WDR27: variants seen among roughly 807,000 people sequenced by gnomAD.
WDR27 encodes the protein WD repeat domain 27, also known as WD repeat-containing protein 27.
In WDR27, 100 loss-of-function variants were observed where a neutral mutation model predicts 114.4. That is an observed-to-expected ratio of 0.87 (90% CI 0.74 to 1.03). The LOEUF (loss-of-function observed/expected upper bound fraction) is 1.03, where lower values mean the gene tolerates loss of function less well. WDR27 is among the 50% of genes least tolerant of loss of function. The pLI is 0.00. For missense variants in WDR27, 1,129 were observed against 1,092.9 expected, an observed-to-expected ratio of 1.03 and a Z score of -0.47; for synonymous variants, 449 against 423.1, an observed-to-expected ratio of 1.06 and a Z score of -0.75.
chr6:169,649,075 CAT>C (rs1821555288), intron 15 of WDR27, 121 bp downstream of exon 15: 2 of 743,086 alleles, frequency 2.7e-6, no homozygotes, highest in South Asian at 1.7e-5. Flanking sequence ...TATCTGTGTA[CAT>C]ATGTGTGTAA....
chr6:169,589,609 T>C (rs1805311829), intron 23 of WDR27, among the ~76,000 whole-genome samples: 1 of 152,174 alleles, frequency 6.6e-6, no homozygotes, highest in African/African-American at 2.4e-5. Flanking sequence ...TTGGGGTACA[T>C]GAATTTTCTG....
chr6:169,453,047 G>C (rs542007808), downstream of WDR27, among the ~76,000 whole-genome samples: 3 of 152,332 alleles, frequency 2.0e-5, no homozygotes, highest in East Asian at 5.8e-4. Flanking sequence ...GCAAGGGCAC[G>C]GCCCCCAGGC....
intron 25 of WDR27, among the ~76,000 whole-genome samples, chr6:169,495,683 C>T (rs7768230): frequency 0.044 from 6,758 of 152,058 alleles, 414 homozygotes; most frequent in African/African-American, 0.13. Context: ...CCTAGATGAA[C>T]AAATTCCTAT....
the WDR27 span, among the ~76,000 whole-genome samples, chr6:169,446,161 C>G: frequency 6.6e-6 from 1 of 152,248 alleles, no homozygotes; most frequent in Non-Finnish European, 1.5e-5. Flanking sequence ...GAGGAGCAGA[C>G]CTGCTGCTGA....
intron 17 of WDR27, among the ~76,000 whole-genome samples, chr6:169,640,478 C>T (rs551705483): frequency 4.6e-4 from 70 of 152,334 alleles, no homozygotes; most frequent in South Asian, 3.9e-3. Context: ...AGCAAAAGTA[C>T]AGAGGCTGGT....
intron 22 of WDR27, among the ~76,000 whole-genome samples, chr6:169,607,413 CACACACACACATATAAT>C (rs1003332262): frequency 1.9e-4 from 7 of 37,710 alleles, no homozygotes. Flanking sequence ...CACACACACA[CACACACACACATATAAT>C]ATAATATTAT....
intron 25 of WDR27, among the ~76,000 whole-genome samples, chr6:169,488,922 G>A (rs1178282022): frequency 6.7e-6 from 1 of 149,464 alleles, no homozygotes; most frequent in Non-Finnish European, 1.5e-5. Flanking sequence ...GTGGGTGGGC[G>A]TCAAATGGCA....
intron 15 of WDR27, among the ~76,000 whole-genome samples, chr6:169,648,668 T>C (rs768782644): frequency 6.6e-6 from 1 of 152,188 alleles, no homozygotes; most frequent in Non-Finnish European, 1.5e-5. Flanking sequence ...AGCCCATATC[T>C]CTCCTCGGAC....
chr6:169,554,423 A>G (rs781079010), intron 25 of WDR27, among the ~76,000 whole-genome samples: 57 of 152,334 alleles, frequency 3.7e-4, no homozygotes, highest in Non-Finnish European at 5.6e-4. Context: ...AGCAAATCAC[A>G]GATGTGCTAC....
intron 23 of WDR27, among the ~76,000 whole-genome samples, chr6:169,587,219 T>C (rs868096069): frequency 0.01 from 1,331 of 132,942 alleles, 29 homozygotes; most frequent in African/African-American, 0.036. Flanking sequence ...ATTTTCTTTT[T>C]TTTTTTTTTT....
At chr6:169,506,690 CA>C (rs1389995778) in intron 25 of WDR27, among the ~76,000 whole-genome samples, 1 of 152,144 alleles carries the variant, frequency 6.6e-6, no homozygotes, top group Admixed American at 6.5e-5. Context: ...GTGTCCTTTG[CA>C]GTAAATATAT....
At chr6:169,683,899 T>G (rs1782221059) in intron 2 of WDR27, among the ~76,000 whole-genome samples, 1 of 152,152 alleles carries the variant, frequency 6.6e-6, no homozygotes, top group Non-Finnish European at 1.5e-5. Context: ...GCACGAAGTG[T>G]GCACTCCTCA....
chr6:169,454,717 A>G (rs958067189), downstream of WDR27, among the ~76,000 whole-genome samples: 5 of 152,232 alleles, frequency 3.3e-5, no homozygotes, highest in African/African-American at 1.2e-4. Context: ...TGCAAGCCCC[A>G]TGACATGTGC....
In WDR27 at chr6:169,592,464, T is replaced by C. The variant is rs531119934; in HGVS notation, c.2425-9530A>G. 7.2e-5 allele frequency among the ~76,000 whole-genome samples: 11 copies of C among 152,354 alleles called. No homozygotes were observed. The East Asian group carries it at 2.1e-3, about 29-fold the overall frequency. ...TTTTGAGGCTATTCTCAATGAGTTC[T>C]CCTCTTCCACTATAACTTTTCAGAG... On this transcript the variant is annotated intron_variant, in intron 23 of 25. Transcript: ENST00000448612.
intron 25 of WDR27, among the ~76,000 whole-genome samples, chr6:169,458,521 G>A (rs1784551887): frequency 6.6e-6 from 1 of 152,150 alleles, no homozygotes; most frequent in Admixed American, 6.5e-5. Flanking sequence ...AAACAACTAT[G>A]TACTTGGGAA....
At chr6:169,441,771 T>G in the WDR27 span, among the ~76,000 whole-genome samples, 3 of 152,234 alleles carry the variant, frequency 2.0e-5, no homozygotes, top group Admixed American at 2.0e-4. Flanking sequence ...ACCCTTAATC[T>G]TCTTTCTTCT....
chr6:169,452,946 C>T (rs910836895), downstream of WDR27, among the ~76,000 whole-genome samples: 3 of 152,212 alleles, frequency 2.0e-5, no homozygotes, highest in African/African-American at 7.2e-5. Context: ...CAGCTGTGAC[C>T]TCAGCTGCCG....
intron 25 of WDR27, among the ~76,000 whole-genome samples, chr6:169,540,061 T>C (rs1796649958): frequency 6.6e-6 from 1 of 152,248 alleles, no homozygotes; most frequent in South Asian, 2.1e-4. Context: ...TTTTCTATCC[T>C]TTCCTATGGA....
chr6:169,432,387 G>T, the WDR27 span, among the ~76,000 whole-genome samples: 8 of 152,184 alleles, frequency 5.3e-5, no homozygotes. Context: ...GTTCACAGCT[G>T]ATAGGGTTTG....
Sources: gnomAD v4.1 joint callset for allele counts (sites outside exome capture counted in the v4.1 genomes callset) on GRCh38, gnomAD v4.1.1 for gene constraint, MANE v1.5 for transcripts, NCBI Gene and HGNC (gene_info 2026-07-23, HGNC 2026-07-21) for gene names.